The following IL1RAPL1 variants were observed in gnomAD, a reference collection of about 807,000 sequenced individuals.
IL1RAPL1 encodes the protein interleukin-1 receptor accessory protein-like 1.
IL1RAPL1 carries 3 observed loss-of-function variants against 48.4 expected under a neutral mutation model. The observed-to-expected ratio is 0.06, with a 90% CI of 0.03 to 0.16. The LOEUF (loss-of-function observed/expected upper bound fraction) is 0.16. Among genes scored for constraint, IL1RAPL1 ranks in the 10% least tolerant of loss-of-function variants. IL1RAPL1 has a pLI of 1.00. For synonymous variants in IL1RAPL1, 185 were observed against 187.7 expected (o/e 0.99, Z 0.12); for missense variants, 349 against 530.6 (o/e 0.66, Z 3.36).
intron 5 of IL1RAPL1, among the ~76,000 whole-genome samples, chrX:29,577,258 T>A (rs1426135125): frequency 8.9e-6 from 1 of 111,954 alleles, no homozygotes; most frequent in Non-Finnish European, 1.9e-5. Context: ...ATGCACATTT[T>A]ATAAATGAGT....
intron 2 of IL1RAPL1, among the ~76,000 whole-genome samples, chrX:28,855,966 A>C (rs1298564754): frequency 8.9e-6 from 1 of 111,781 alleles, no homozygotes; most frequent in African/African-American, 3.2e-5. Context: ...GGGCTTTCAA[A>C]TGTCTCTATG....
intron 5 of IL1RAPL1, among the ~76,000 whole-genome samples, chrX:29,647,549 TTTTG>T (rs1042898999): frequency 4.5e-5 from 5 of 111,237 alleles, no homozygotes; most frequent in African/African-American, 1.6e-4. Flanking sequence ...TGAACAATTT[TTTTG>T]TGTGTGGTCG....
chrX:29,470,668 C>G (rs1419524178), intron 5 of IL1RAPL1, among the ~76,000 whole-genome samples: 3 of 111,591 alleles, frequency 2.7e-5, no homozygotes, highest in Non-Finnish European at 5.6e-5. Context: ...GGGTCTCACT[C>G]TGTCATGGAG....
intron 1 of IL1RAPL1, among the ~76,000 whole-genome samples, chrX:28,598,461 A>C (rs1215034794): frequency 9.0e-6 from 1 of 111,013 alleles, no homozygotes; most frequent in African/African-American, 3.3e-5. Flanking sequence ...TTGAAGACAA[A>C]ATGAGAAAAA....
intron 5 of IL1RAPL1, among the ~76,000 whole-genome samples, chrX:29,625,204 A>G (rs1036051700): frequency 2.7e-5 from 3 of 112,101 alleles, no homozygotes; most frequent in African/African-American, 9.7e-5. Flanking sequence ...AGAATCATAT[A>G]ATTTTAATAA....
intron 5 of IL1RAPL1, among the ~76,000 whole-genome samples, chrX:29,540,968 A>T (rs1207390282): frequency 8.9e-6 from 1 of 112,287 alleles, no homozygotes; most frequent in Non-Finnish European, 1.9e-5. Context: ...GCACAGCAGA[A>T]GAAACTGTCA....
intron 5 of IL1RAPL1, among the ~76,000 whole-genome samples, chrX:29,573,865 C>T (rs1158055384): frequency 1.8e-5 from 2 of 111,405 alleles, no homozygotes; most frequent in African/African-American, 3.3e-5. Context: ...AAATGTCCCC[C>T]GTGGATGGAT....
At chrX:29,446,768 G>A (rs1027304927) in intron 5 of IL1RAPL1, among the ~76,000 whole-genome samples, 2 of 111,362 alleles carry the variant, frequency 1.8e-5, no homozygotes, top group African/African-American at 3.3e-5. Flanking sequence ...TTGTGTAGCC[G>A]TTTCCTCAAG....
intron 3 of IL1RAPL1, among the ~76,000 whole-genome samples, chrX:29,350,494 G>T (rs182333781): frequency 9.3e-6 from 1 of 107,402 alleles, no homozygotes; most frequent in East Asian, 3.0e-4. Context: ...CTGAATGTCC[G>T]AATGAGTTTT....
intron 5 of IL1RAPL1, among the ~76,000 whole-genome samples, chrX:29,598,073 T>A (rs1923608297): frequency 8.9e-6 from 1 of 111,849 alleles, no homozygotes; most frequent in African/African-American, 3.3e-5. Context: ...TGGGTTTGGG[T>A]TTGGATTGTT....
At chrX:28,921,037 C>T (rs2521805) in intron 2 of IL1RAPL1, among the ~76,000 whole-genome samples, 17,493 of 110,277 alleles carry the variant, frequency 0.16, 1,381 homozygotes, top group Non-Finnish European at 0.24. Flanking sequence ...GCAAAGTGCC[C>T]TACTTGAGGG....
At chrX:29,764,069 TA>T (rs1928819206) in intron 6 of IL1RAPL1, among the ~76,000 whole-genome samples, 1 of 111,660 alleles carries the variant, frequency 9.0e-6, no homozygotes, top group African/African-American at 3.2e-5. Flanking sequence ...AAAAAGCCCT[TA>T]AAGCGTGCTA....
intron 6 of IL1RAPL1, among the ~76,000 whole-genome samples, chrX:29,841,546 G>A (rs1049688417): frequency 1.4e-4 from 16 of 111,437 alleles, no homozygotes; most frequent in South Asian, 3.7e-4. Context: ...TAAACTGAAC[G>A]AGCATTCATT....
chrX:29,555,856 G>A (rs1921982519), intron 5 of IL1RAPL1, among the ~76,000 whole-genome samples: 1 of 111,955 alleles, frequency 8.9e-6, no homozygotes. Context: ...CTGGGGAGGG[G>A]GGAAACAAAA....
chrX:28,649,198 G>A (rs912347205), intron 1 of IL1RAPL1, among the ~76,000 whole-genome samples: 11 of 111,944 alleles, frequency 9.8e-5, no homozygotes, highest in African/African-American at 2.9e-4. Flanking sequence ...TAAACTCTGC[G>A]AGAGAGAAAA....
At chrX:29,592,030 A>G (rs1170369198) in intron 5 of IL1RAPL1, among the ~76,000 whole-genome samples, 1 of 111,607 alleles carries the variant, frequency 9.0e-6, no homozygotes, top group African/African-American at 3.3e-5. Flanking sequence ...TGAAAACCTA[A>G]AATGGGGAAA....
intron 2 of IL1RAPL1, chrX:28,942,304 A>C (rs1924183004): frequency 9.1e-6 from 1 of 109,412 alleles, no homozygotes. Context: ...AATGTAATAA[A>C]ATATAATTTA....
At chrX:28,962,209 A>G (rs1601979833) in intron 2 of IL1RAPL1, among the ~76,000 whole-genome samples, 1 of 112,143 alleles carries the variant, frequency 8.9e-6, no homozygotes, top group Middle Eastern at 4.6e-3. Flanking sequence ...CTGGTTCTCT[A>G]TTGGAAAACA....
chrX:29,673,513 A>T (rs977454831), intron 6 of IL1RAPL1, among the ~76,000 whole-genome samples: 6 of 111,427 alleles, frequency 5.4e-5, no homozygotes, highest in African/African-American at 2.0e-4. Context: ...TCACCAACAA[A>T]CTCAAATTAA....
Sources: allele counts gnomAD v4.1 joint callset (sites outside exome capture counted in the v4.1 genomes callset), GRCh38; gene constraint gnomAD v4.1.1; transcripts MANE v1.5; gene names NCBI Gene and HGNC (gene_info 2026-07-23, HGNC 2026-07-21).